The following SGCZ variants were observed in gnomAD, a reference collection of about 807,000 sequenced individuals.
SGCZ encodes zeta-sarcoglycan.
Under a neutral mutation model 41.3 loss-of-function variants are expected in SGCZ, and 40 were observed. That is an observed-to-expected ratio of 0.97 (90% CI 0.75 to 1.26). SGCZ has a LOEUF of 1.26. SGCZ is among the 50% of genes most tolerant of loss of function. The pLI, the probability that SGCZ is intolerant of heterozygous loss-of-function variation, is 0.00. For synonymous variants in SGCZ, 206 were observed against 137.5 expected (o/e 1.50, Z -3.49); for missense variants, 552 against 369.8 (o/e 1.49, Z -4.04).
intron 1 of SGCZ, among the ~76,000 whole-genome samples, chr8:14,574,247 A>G (rs1292133621): frequency 6.6e-6 from 1 of 152,070 alleles, no homozygotes; most frequent in Non-Finnish European, 1.5e-5. Context: ...CAGCAGCCTC[A>G]GAAGCAAAGA....
intron 2 of SGCZ, among the ~76,000 whole-genome samples, chr8:14,351,665 T>C (rs1222582345): frequency 6.6e-6 from 1 of 151,894 alleles, no homozygotes; most frequent in Non-Finnish European, 1.5e-5. Context: ...AGATAGATGA[T>C]AACACAAAGA....
At chr8:14,159,521 A>G (rs545243436) in intron 5 of SGCZ, among the ~76,000 whole-genome samples, 1 of 152,192 alleles carries the variant, frequency 6.6e-6, no homozygotes, top group Non-Finnish European at 1.5e-5. Flanking sequence ...GTGGGGTGGT[A>G]CTAATATTTA....
chr8:14,663,008 T>A (rs1442983922), intron 1 of SGCZ, among the ~76,000 whole-genome samples: 1 of 151,980 alleles, frequency 6.6e-6, no homozygotes, highest in Non-Finnish European at 1.5e-5. Context: ...AAAACACAAA[T>A]AAACAAGGAA....
intron 1 of SGCZ, among the ~76,000 whole-genome samples, chr8:15,174,998 G>A (rs1258681494): frequency 2.6e-5 from 4 of 152,132 alleles, no homozygotes; most frequent in South Asian, 2.1e-4. Flanking sequence ...CCTAATGCAC[G>A]TGGGGCTTAA....
intron 3 of SGCZ, among the ~76,000 whole-genome samples, chr8:14,274,642 C>T (rs1055848143): frequency 3.3e-5 from 5 of 152,082 alleles, no homozygotes; most frequent in Admixed American, 6.5e-5. Context: ...TGGTAAGTGA[C>T]GTTCATTTGG....
intron 1 of SGCZ, among the ~76,000 whole-genome samples, chr8:14,784,681 G>A (rs1344354049): frequency 6.6e-6 from 1 of 151,306 alleles, no homozygotes; most frequent in Non-Finnish European, 1.5e-5. Context: ...GATCATCTGA[G>A]GTCAGGAGTT....
chr8:15,118,918 A>G (rs1361595065), intron 1 of SGCZ, among the ~76,000 whole-genome samples: 1 of 152,196 alleles, frequency 6.6e-6, no homozygotes, highest in Non-Finnish European at 1.5e-5. Context: ...GAAATCATGC[A>G]CATTATAGAG....
At chr8:14,962,766 A>G (rs189760113) in intron 1 of SGCZ, among the ~76,000 whole-genome samples, 100 of 152,306 alleles carry the variant, frequency 6.6e-4, no homozygotes, top group African/African-American at 2.4e-3. Context: ...GCAACAAATG[A>G]TGTTTGCACT....
At chr8:14,404,749 G>C (rs529381121) in intron 2 of SGCZ, among the ~76,000 whole-genome samples, 5 of 152,280 alleles carry the variant, frequency 3.3e-5, no homozygotes, top group South Asian at 2.1e-4. Flanking sequence ...TCTCAGATCT[G>C]TGTCTGGTTT....
intron 1 of SGCZ, among the ~76,000 whole-genome samples, chr8:14,786,589 T>C (rs1418880561): frequency 1.3e-5 from 2 of 152,144 alleles, no homozygotes; most frequent in Non-Finnish European, 2.9e-5. Context: ...AGCTAAGCTA[T>C]CTTAAGCCAT....
intron 5 of SGCZ, among the ~76,000 whole-genome samples, chr8:14,115,936 A>C (rs2117022842): frequency 6.6e-6 from 1 of 152,202 alleles, no homozygotes; most frequent in South Asian, 2.1e-4. Context: ...ATAAAGGGAG[A>C]AACTGTGTTT....
intron 5 of SGCZ, among the ~76,000 whole-genome samples, chr8:14,153,499 G>T (rs1803776123): frequency 6.6e-6 from 1 of 152,126 alleles, no homozygotes; most frequent in African/African-American, 2.4e-5. Flanking sequence ...ATAGAGTAAA[G>T]TGACCATAGG....
chr8:15,105,959 A>C (rs1806809889), intron 1 of SGCZ, among the ~76,000 whole-genome samples: 1 of 152,198 alleles, frequency 6.6e-6, no homozygotes, highest in Admixed American at 6.5e-5. Context: ...CCCACTAATT[A>C]ACCTGTGAAA....
chr8:14,604,167 C>T (rs933761900), intron 1 of SGCZ, among the ~76,000 whole-genome samples: 14 of 152,110 alleles, frequency 9.2e-5, no homozygotes, highest in African/African-American at 2.4e-4. Flanking sequence ...CTGTAATGTA[C>T]GGATGCCACT....
chr8:14,101,224 T>C (rs57006153), intron 7 of SGCZ, among the ~76,000 whole-genome samples: 3,284 of 152,126 alleles, frequency 0.022, 137 homozygotes, highest in African/African-American at 0.076. Flanking sequence ...GGGAGAACCC[T>C]GAAAATATAG....
chr8:15,079,657 T>C (rs972400970), intron 1 of SGCZ, among the ~76,000 whole-genome samples: 18 of 152,208 alleles, frequency 1.2e-4, no homozygotes, highest in African/African-American at 3.9e-4. Context: ...TCTTCAAATG[T>C]ATTGTTCAAA....
chr8:14,285,052 T>C (rs984825787), intron 3 of SGCZ, among the ~76,000 whole-genome samples: 10 of 152,150 alleles, frequency 6.6e-5, no homozygotes, highest in African/African-American at 1.9e-4. Flanking sequence ...AGAGACTTAT[T>C]ACATTGATTC....
At chr8:14,135,406 G>A (rs1268273171) in intron 5 of SGCZ, among the ~76,000 whole-genome samples, 1 of 152,164 alleles carries the variant, frequency 6.6e-6, no homozygotes, top group Non-Finnish European at 1.5e-5. Flanking sequence ...TAAGGTGGGG[G>A]AAAATACTGG....
intron 3 of SGCZ, among the ~76,000 whole-genome samples, chr8:14,300,960 C>A (rs987447840): frequency 6.6e-6 from 1 of 151,794 alleles, no homozygotes; most frequent in African/African-American, 2.4e-5. Flanking sequence ...AAGATGCAGC[C>A]AGCCTCCAAC....
Sources: gnomAD v4.1 joint callset for allele counts (sites outside exome capture counted in the v4.1 genomes callset) on GRCh38, gnomAD v4.1.1 for gene constraint, MANE v1.5 for transcripts, NCBI Gene and HGNC (gene_info 2026-07-23, HGNC 2026-07-21) for gene names.